The following DCAF12 variants were observed in gnomAD, a reference collection of about 807,000 sequenced individuals.
DCAF12 encodes the protein DDB1- and CUL4-associated factor 12.
Under a neutral mutation model 52.8 loss-of-function variants are expected in DCAF12, and 28 were observed. The observed-to-expected ratio is 0.53, with a 90% confidence interval of 0.39 to 0.73. The LOEUF is 0.73. Among genes scored for constraint, DCAF12 ranks in the 30% least tolerant of loss-of-function variants. The pLI, the probability that DCAF12 is intolerant of heterozygous loss-of-function variation, is 0.00. For synonymous variants in DCAF12, 196 were observed against 215.5 expected (o/e 0.91, Z 0.79); for missense variants, 425 against 552.2 (o/e 0.77, Z 2.31).
Position 34,092,204 on chromosome 9 carries a change from A to G in DCAF12, c.1024+1082T>C, listed in dbSNP as rs567608957. Among the ~76,000 whole-genome samples, 5 of 152,328 alleles carry G rather than the reference A, an allele frequency of 3.3e-5. No homozygotes were observed. In the East Asian group the frequency reaches 9.6e-4, roughly 29 times the overall value. On this transcript the variant is annotated intron_variant, in intron 7 of 8. Coordinates refer to ENST00000361264, the MANE Select transcript of DCAF12 (RefSeq NM_015397.4). ...CAATATACGACACATAAAGTATACAATTTGAGGTTCTGACATATGTATATA... is the reference window on the plus strand; with the variant it reads ...CAATATACGACACATAAAGTATACAGTTTGAGGTTCTGACATATGTATATA...
intron 7 of DCAF12, among the ~76,000 whole-genome samples, chr9:34,090,538 A>G (rs1439129818): frequency 6.6e-6 from 1 of 152,222 alleles, no homozygotes; most frequent in Admixed American, 6.6e-5. Context: ...CTCTTGGCAC[A>G]TAAGAACTGG....
intron 8 of DCAF12, 84 bp downstream of exon 8, chr9:34,089,328 G>T: frequency 7.2e-7 from 1 of 1,386,612 alleles, no homozygotes; most frequent in South Asian, 1.4e-5. Flanking sequence ...ATGAGTAGAT[G>T]GTGTGTCAGT....
intron 2 of DCAF12, among the ~76,000 whole-genome samples, chr9:34,119,371 A>G (rs1829136973): frequency 6.6e-6 from 1 of 152,190 alleles, no homozygotes; most frequent in Admixed American, 6.6e-5. Flanking sequence ...TTCATTTGTC[A>G]GGTTCCTGTT....
At chr9:34,115,193 A>C (rs955297779) in intron 2 of DCAF12, among the ~76,000 whole-genome samples, 11 of 152,046 alleles carry the variant, frequency 7.2e-5, no homozygotes, top group African/African-American at 2.7e-4. Flanking sequence ...AAGCAGAAGA[A>C]TCTATTCACT....
chr9:34,089,606 G>A lies in DCAF12; in HGVS notation c.1025-16C>T, dbSNP rs1486121656. The A allele has an allele frequency of 4.4e-6, 7 of 1,591,004 alleles. No homozygotes were observed. Among genetic ancestry groups the A allele is most frequent in the Non-Finnish European group, 6.0e-6 (7 of 1,166,082 alleles). On this transcript the variant is annotated splice_polypyrimidine_tract_variant and intron_variant, in intron 7 of 8. Transcript: ENST00000361264. ...GACCGGATTCCTGAAAGACAGAAAA[G>A]TAAAAGGCAGTGAGGCGGGAGAGAA...
chr9:34,126,559 G>A lies in DCAF12; in HGVS notation c.-128C>T. 1.0e-6 allele frequency: 1 copy of A among 997,674 alleles called. No individual in the cohort carries two copies. Among genetic ancestry groups the A allele is most frequent in the South Asian group, 1.7e-5 (1 of 59,266 alleles). 61.8% of individuals were successfully genotyped at this position (997,674 alleles called of 1,614,324 possible). On this transcript the variant is annotated 5_prime_UTR_variant, in exon 1 of 9. Transcript: ENST00000361264. The stretch of plus-strand genomic sequence containing the variant: ...TGCGCCCGGCCCGGAAAATGGCCCG[G>A]ACCCGGAGCGGCAGCAGAAAAAAGA...
intron 7 of DCAF12, among the ~76,000 whole-genome samples, chr9:34,091,412 T>C (rs1022557026): frequency 6.6e-6 from 1 of 151,662 alleles, no homozygotes; most frequent in African/African-American, 2.4e-5. Context: ...TTTGGGAGGC[T>C]GAGGTGGGTG....
intron 2 of DCAF12, among the ~76,000 whole-genome samples, chr9:34,119,001 A>G (rs1829131692): frequency 2.0e-5 from 3 of 152,104 alleles, no homozygotes; most frequent in Admixed American, 2.0e-4. Context: ...TATCTCTCTT[A>G]TCTCACACTT....
chr9:34,125,336 C>T (rs758660186), intron 1 of DCAF12, 59 bp from the exon 2 acceptor site: 6 of 1,581,150 alleles, frequency 3.8e-6, no homozygotes, highest in Non-Finnish European at 5.2e-6. Flanking sequence ...ACAGATCCTA[C>T]TGTATTACAG....
At chr9:34,123,136 T>C (rs915647895) in intron 2 of DCAF12, among the ~76,000 whole-genome samples, 17 of 152,224 alleles carry the variant, frequency 1.1e-4, no homozygotes, top group African/African-American at 3.4e-4. Context: ...AATCTGGGGA[T>C]TGAATGACTA....
chr9:34,114,899 C>G (rs1240087723), intron 2 of DCAF12, among the ~76,000 whole-genome samples: 1 of 151,924 alleles, frequency 6.6e-6, no homozygotes, highest in East Asian at 1.9e-4. Context: ...CCCAGGAGGT[C>G]AAGGCTTCAG....
At chr9:34,110,031 ATATT>A (rs1017060093) in intron 2 of DCAF12, 20 of 145,410 alleles carry the variant, frequency 1.4e-4, no homozygotes, top group African/African-American at 4.2e-4. Flanking sequence ...TGTACTTTAT[ATATT>A]TAAATATATA....
At chr9:34,111,853 G>A (rs1829008166) in intron 2 of DCAF12, among the ~76,000 whole-genome samples, 1 of 152,114 alleles carries the variant, frequency 6.6e-6, no homozygotes, top group Non-Finnish European at 1.5e-5. Flanking sequence ...TTGAAGCATG[G>A]GCCAGGCGCA....
intron 6 of DCAF12, 168 bp from the exon 7 acceptor site, chr9:34,093,616 G>A (rs1828685144): frequency 1.5e-6 from 1 of 667,048 alleles, no homozygotes; most frequent in Admixed American, 2.9e-5. Flanking sequence ...ACAGGAGAAA[G>A]AGGAGGTGAA....
chr9:34,109,347 G>A (rs1360620125), intron 2 of DCAF12: 2 of 199,040 alleles, frequency 1.0e-5, no homozygotes, highest in Non-Finnish European at 2.1e-5. Flanking sequence ...TGAACTGTAC[G>A]AGATGCACCT....
chr9:34,089,754 G>T, intron 7 of DCAF12, 164 bp from the exon 8 acceptor site: 1 of 578,632 alleles, frequency 1.7e-6, no homozygotes, highest in Non-Finnish European at 2.9e-6. Context: ...GTTAGCTCAT[G>T]CAAAAGCAAA....
intron 3 of DCAF12, 100 bp from the exon 4 acceptor site, chr9:34,106,594 A>C (rs1394785071): frequency 1.9e-5 from 19 of 1,002,656 alleles, no homozygotes; most frequent in Non-Finnish European, 2.8e-5. Flanking sequence ...GTCAGACTGA[A>C]AATATTTTTG....
chr9:34,089,632 T>C, intron 7 of DCAF12, 42 bp from the exon 8 acceptor site: 1 of 1,548,990 alleles, frequency 6.5e-7, no homozygotes, highest in Non-Finnish European at 8.7e-7. Context: ...CGGGAGAGAA[T>C]ATTTGCTGAC....
Position 34,098,312 on chromosome 9 carries a change from A to C in DCAF12, c.795+12T>G. 4 of 1,612,124 alleles carry C rather than the reference A, an allele frequency of 2.5e-6. No individual in the cohort carries two copies. In the South Asian group the frequency reaches 4.4e-5, roughly 18 times the overall value. On this transcript the variant is annotated intron_variant, in intron 5 of 8. Transcript: ENST00000361264. ...AGGAATACACGTCAGGGATCCCTAC[A>C]CAAGTTCATACCTTGTTCTTGTTGT...
Sources: allele counts gnomAD v4.1 joint callset (sites outside exome capture counted in the v4.1 genomes callset), GRCh38; gene constraint gnomAD v4.1.1; transcripts MANE v1.5; gene names NCBI Gene and HGNC (gene_info 2026-07-23, HGNC 2026-07-21).